Variants in FNBP1 observed in about 807,000 individuals in gnomAD.
The protein encoded by FNBP1 is formin-binding protein 1.
Under a neutral mutation model 90.6 loss-of-function variants are expected in FNBP1, and 26 were observed. The observed-to-expected ratio is 0.29, with a 90% CI of 0.21 to 0.40. The LOEUF (loss-of-function observed/expected upper bound fraction) is 0.40. Among genes scored for constraint, FNBP1 ranks in the 10% least tolerant of loss-of-function variants. The pLI, the probability that FNBP1 is intolerant of heterozygous loss-of-function variation, is 1.00. For synonymous variants in FNBP1, 260 were observed against 265.2 expected (o/e 0.98, Z 0.19); for missense variants, 635 against 768.0 (o/e 0.83, Z 2.05).
intron 2 of FNBP1, among the ~76,000 whole-genome samples, chr9:129,989,963 G>A (rs922472147): frequency 2.0e-5 from 3 of 151,914 alleles, no homozygotes; most frequent in Admixed American, 6.6e-5. Context: ...ACTTGAGCCC[G>A]GGAGGTGAGC....
intron 6 of FNBP1, among the ~76,000 whole-genome samples, chr9:129,930,583 C>G (rs997728413): frequency 6.6e-6 from 1 of 152,102 alleles, no homozygotes; most frequent in Non-Finnish European, 1.5e-5. Flanking sequence ...CCTAAAAAAT[C>G]AATAATTTAC....
chr9:129,892,834 C>T (rs2035251898), intron 16 of FNBP1, among the ~76,000 whole-genome samples: 1 of 152,140 alleles, frequency 6.6e-6, no homozygotes, highest in Non-Finnish European at 1.5e-5. Flanking sequence ...AGTACTGAGG[C>T]ATACAACTTA....
At chr9:129,904,202 C>T (rs189125399) in intron 12 of FNBP1, among the ~76,000 whole-genome samples, 42 of 152,308 alleles carry the variant, frequency 2.8e-4, no homozygotes, top group Non-Finnish European at 5.0e-4. Context: ...CACCCATTTC[C>T]ACTGTTAAGA....
chr9:129,972,504 A>C (rs1170967646), intron 4 of FNBP1, among the ~76,000 whole-genome samples: 1 of 151,130 alleles, frequency 6.6e-6, no homozygotes, highest in Non-Finnish European at 1.5e-5. Flanking sequence ...ACCTGCTCAC[A>C]GAAGGCCTAA....
chr9:129,895,359 A>T, intron 16 of FNBP1: 2 of 1,072,782 alleles, frequency 1.9e-6, no homozygotes, highest in Non-Finnish European at 2.3e-6. Context: ...ATACAATTTA[A>T]CAAACTAACA....
In FNBP1 at chr9:129,998,933, C is replaced by A. The variant is rs201264975; in HGVS notation, c.25-3975G>T. 5.9e-5 allele frequency among the ~76,000 whole-genome samples: 9 copies of A among 152,328 alleles called. No homozygotes were observed. In the East Asian group the frequency reaches 1.7e-3, roughly 29 times the overall value. On this transcript the variant is annotated intron_variant, in intron 1 of 16. Coordinates refer to ENST00000446176, the MANE Select transcript of FNBP1 (RefSeq NM_015033.3). ...GAAGATCTTAATAATAAAAACCTTA[C>A]TCAGTAACAAATGAGCTGGTGCTTG...
In FNBP1 at chr9:129,912,326, C is replaced by T. The variant is rs115359840; in HGVS notation, c.1186-3327G>A. 8.3e-3 allele frequency among the ~76,000 whole-genome samples: 1,257 copies of T among 152,186 alleles called. 16 individuals are homozygous for T. The highest frequency in any genetic ancestry group is 0.029 in the African/African-American group (1,202 of 41,526). ...GAGTTTTATCAAATGAGCATGTTTT[C>T]CAGAACTGAGAATTTTTTAAAAGCT... On this transcript the variant is annotated intron_variant, in intron 11 of 16. Transcript: ENST00000446176.
chr9:129,937,101 C>G (rs990347754), intron 6 of FNBP1, among the ~76,000 whole-genome samples: 3 of 151,520 alleles, frequency 2.0e-5, no homozygotes, highest in South Asian at 4.2e-4. Flanking sequence ...ACCCGGGAGA[C>G]AGAGGCTGCA....
intron 6 of FNBP1, among the ~76,000 whole-genome samples, chr9:129,955,035 C>T (rs1588847983): frequency 6.6e-6 from 1 of 151,810 alleles, no homozygotes; most frequent in African/African-American, 2.4e-5. Flanking sequence ...CCTTTTGAAG[C>T]ACTCTCTTTG....
chr9:129,985,427 T>C (rs10122287), intron 2 of FNBP1, among the ~76,000 whole-genome samples: 148,629 of 152,292 alleles, frequency 0.98, 72,633 homozygotes, highest in East Asian at 1. Context: ...GTAATTTAAC[T>C]CAATTCATAT....
intron 1 of FNBP1, among the ~76,000 whole-genome samples, chr9:130,001,842 G>C (rs2054898319): frequency 6.6e-6 from 1 of 151,968 alleles, no homozygotes; most frequent in African/African-American, 2.4e-5. Flanking sequence ...TGGCCAACAT[G>C]GTGAAACCCC....
chr9:129,960,749 T>A (rs1355596158), intron 4 of FNBP1, among the ~76,000 whole-genome samples: 1 of 152,066 alleles, frequency 6.6e-6, no homozygotes, highest in Non-Finnish European at 1.5e-5. Context: ...TTTGTAACAA[T>A]CCTGGAGATT....
intron 4 of FNBP1, among the ~76,000 whole-genome samples, chr9:129,972,657 G>A (rs1202093223): frequency 5.3e-5 from 8 of 150,994 alleles, no homozygotes; most frequent in Non-Finnish European, 1.0e-4. Flanking sequence ...TCAGCTTCCC[G>A]AGTAGCTAGG....
At chr9:129,927,131 G>C in intron 8 of FNBP1, 64 bp downstream of exon 8, 1 of 1,543,508 alleles carries the variant, frequency 6.5e-7, no homozygotes. Context: ...CAAATGGAAA[G>C]GGGATGGGGA....
In FNBP1 at chr9:129,890,439, G is replaced by A. The variant is rs1354150529; in HGVS notation, c.*100C>T. 2 of 937,272 alleles carry A rather than the reference G, an allele frequency of 2.1e-6. No individual in the cohort carries two copies. Among genetic ancestry groups the A allele is most frequent in the Non-Finnish European group, 3.4e-6 (2 of 588,588 alleles). The allele number at this position is 937,272 out of a possible 1,614,324, so 58.1% of individuals were successfully genotyped here. A position where few individuals can be genotyped will look rare whatever the true frequency, so the allele number is the denominator to read the frequency against. ...CGCCCCGCAGGGATGGGGCTGCGGAGGGGTGGGCTGTCCACAGGGCAGGGC... is the reference window on the plus strand; with the variant it reads ...CGCCCCGCAGGGATGGGGCTGCGGAAGGGTGGGCTGTCCACAGGGCAGGGC... On this transcript the variant is annotated 3_prime_UTR_variant, in exon 17 of 17. Transcript: ENST00000446176. This position sits in a 1 kb window ranked among gnomAD's most constrained non-coding sequence, Gnocchi z 5.8.
rs1357383985 is a variant in FNBP1 at position 129,907,578 on chromosome 9, A to AGG, written c.1295+1310_1295+1311dup. ...AGATCCTTAGCTCTTGCTAGGAGTGAGGGTGTGTGTGTGTGTGTGTGTGTG... is the reference window on the plus strand; with the variant it reads ...AGATCCTTAGCTCTTGCTAGGAGTGAGGGGGTGTGTGTGTGTGTGTGTGTGTG... On this transcript the variant is annotated intron_variant, in intron 12 of 16. Coordinates refer to ENST00000446176, the MANE Select transcript of FNBP1 (RefSeq NM_015033.3). 6.3e-3 allele frequency among the ~76,000 whole-genome samples: 740 copies of AGG among 117,532 alleles called. 8 individuals carry two copies. Among genetic ancestry groups the AGG allele is most frequent in the African/African-American group, 0.021 (637 of 30,784 alleles). The allele number at this position is 117,532 out of a possible 152,430, so 77.1% of individuals were successfully genotyped here. A position where few individuals can be genotyped will look rare whatever the true frequency, so the allele number is the denominator to read the frequency against.
rs2034993140 is a variant in FNBP1 at position 129,890,457 on chromosome 9, G to C, written c.*82C>G. 9 of 1,191,130 alleles carry C rather than the reference G, an allele frequency of 7.6e-6. No individual in the cohort carries two copies. The highest frequency in any genetic ancestry group is 1.1e-5 in the Non-Finnish European group (9 of 817,492). The allele number at this position is 1,191,130 out of a possible 1,614,324, so 73.8% of individuals were successfully genotyped here. ...CTGCGGAGGGGTGGGCTGTCCACAG[G>C]GCAGGGCGCTGGAGGCCTGTGGGAA... On this transcript the variant is annotated 3_prime_UTR_variant, in exon 17 of 17. Transcript: ENST00000446176. This position sits in a 1 kb window ranked among gnomAD's most constrained non-coding sequence, Gnocchi z 5.8.
chr9:130,029,935 G>A (rs1004503785), intron 1 of FNBP1, among the ~76,000 whole-genome samples: 19 of 152,102 alleles, frequency 1.2e-4, no homozygotes, highest in Non-Finnish European at 1.5e-5. Context: ...AGTGAGCCTT[G>A]ATTGAGCCAC....
chr9:129,916,876 G>A (rs1341336122), intron 10 of FNBP1, among the ~76,000 whole-genome samples: 2 of 152,098 alleles, frequency 1.3e-5, no homozygotes, highest in African/African-American at 4.8e-5. Context: ...AATGCCTCTC[G>A]CAGCCAGGCT....
Sources: allele counts gnomAD v4.1 joint callset (sites outside exome capture counted in the v4.1 genomes callset), GRCh38; gene constraint gnomAD v4.1.1; non-coding constraint Gnocchi (gnomAD v3.1); transcripts MANE v1.5; gene names NCBI Gene and HGNC (gene_info 2026-07-23, HGNC 2026-07-21).